FMN1: variants seen among roughly 807,000 people sequenced by gnomAD.
The protein encoded by FMN1 is formin 1.
FMN1 carries 110 observed loss-of-function variants against 132.4 expected under a neutral mutation model. The observed-to-expected ratio is 0.83, with a 90% CI of 0.71 to 0.97. FMN1 has a LOEUF of 0.97. FMN1 is among the 50% of genes least tolerant of loss of function. FMN1 has a pLI of 0.00. For synonymous variants in FMN1, 722 were observed against 651.7 expected (o/e 1.11, Z -1.64); for missense variants, 1,792 against 1,705.3 (o/e 1.05, Z -0.90).
intron 17 of FMN1, among the ~76,000 whole-genome samples, chr15:32,826,685 G>A (rs2058375439): frequency 6.6e-6 from 1 of 152,132 alleles, no homozygotes; most frequent in Non-Finnish European, 1.5e-5. Context: ...ACCCACCTAG[G>A]AGTTTGCTTT....
chr15:32,879,154 C>T (rs144599216), intron 16 of FMN1, among the ~76,000 whole-genome samples: 1 of 152,218 alleles, frequency 6.6e-6, no homozygotes, highest in African/African-American at 2.4e-5. Context: ...ACATTTTACA[C>T]CCACTGCTTT....
chr15:33,161,232 C>T (rs1566960561), intron 3 of FMN1, among the ~76,000 whole-genome samples: 2 of 152,196 alleles, frequency 1.3e-5, no homozygotes, highest in Admixed American at 6.5e-5. Flanking sequence ...ACCTTTCACA[C>T]CCTCCTAAGA....
chr15:33,015,806 T>A (rs1177163220), intron 6 of FMN1, among the ~76,000 whole-genome samples: 1 of 152,264 alleles, frequency 6.6e-6, no homozygotes, highest in African/African-American at 2.4e-5. Context: ...TGTAGGTATC[T>A]GAACTTTTTA....
intron 7 of FMN1, among the ~76,000 whole-genome samples, chr15:32,979,994 T>A (rs1246270378): frequency 1.3e-5 from 2 of 152,182 alleles, no homozygotes; most frequent in African/African-American, 4.8e-5. Flanking sequence ...TTACCAGGGA[T>A]TAGTCACTTG....
At chr15:33,095,481 G>T (rs947500338) in intron 4 of FMN1, among the ~76,000 whole-genome samples, 7 of 152,094 alleles carry the variant, frequency 4.6e-5, no homozygotes, top group African/African-American at 1.4e-4. Context: ...CTGTAGCCTT[G>T]GCCTCCTGTG....
At chr15:33,055,931 GA>G (rs1278382661) in intron 6 of FMN1, among the ~76,000 whole-genome samples, 2 of 152,112 alleles carry the variant, frequency 1.3e-5, no homozygotes, top group African/African-American at 4.8e-5. Context: ...AAAATTAAGT[GA>G]CTCAGACAGG....
intron 10 of FMN1, among the ~76,000 whole-genome samples, chr15:32,924,791 G>A (rs1307497642): frequency 6.6e-6 from 1 of 152,206 alleles, no homozygotes; most frequent in Non-Finnish European, 1.5e-5. Context: ...GCGTATGCCT[G>A]TAATCCCAGG....
At chr15:33,005,912 C>T (rs1417233628) in intron 7 of FMN1, among the ~76,000 whole-genome samples, 1 of 152,130 alleles carries the variant, frequency 6.6e-6, no homozygotes, top group Admixed American at 6.5e-5. Flanking sequence ...CTCTCCTTTT[C>T]TTCTAGGAGA....
intron 4 of FMN1, chr15:33,150,362 T>TA: frequency 1.0e-6 from 1 of 985,418 alleles, no homozygotes. Context: ...TAAAATACTA[T>TA]AAAACCAATC....
chr15:33,111,654 C>T (rs964870029), intron 4 of FMN1, among the ~76,000 whole-genome samples: 6 of 152,076 alleles, frequency 3.9e-5, no homozygotes, highest in African/African-American at 1.4e-4. Context: ...ATAAAAAAAT[C>T]TCAAAAACAT....
intron 17 of FMN1, among the ~76,000 whole-genome samples, chr15:32,826,443 T>C (rs908461469): frequency 2.0e-5 from 3 of 152,332 alleles, no homozygotes; most frequent in Admixed American, 2.0e-4. Context: ...CAAAAGGGTA[T>C]GCTCAGAAAC....
intron 7 of FMN1, among the ~76,000 whole-genome samples, chr15:33,000,253 T>C (rs996073825): frequency 7.2e-5 from 11 of 151,980 alleles, no homozygotes; most frequent in African/African-American, 2.7e-4. Context: ...ATCAAGACTA[T>C]GCCGGCTAAC....
At chr15:33,056,624 A>C (rs897276519) in intron 6 of FMN1, among the ~76,000 whole-genome samples, 1 of 152,220 alleles carries the variant, frequency 6.6e-6, no homozygotes, top group Non-Finnish European at 1.5e-5. Context: ...TTAAGGTTGA[A>C]CTTAAAATAC....
In FMN1 at chr15:33,021,835, T is replaced by C. The variant is rs111272240; in HGVS notation, c.2162-13760A>G. ...TAAAATTCCATGAATATATGGTCCC[T>C]AAAACTTACAATCTCCTTTCTACCT... On this transcript the variant is annotated intron_variant, in intron 6 of 20. Coordinates refer to ENST00000616417, the MANE Select transcript of FMN1 (RefSeq NM_001277313.2). Among the ~76,000 whole-genome samples, 1,123 of 152,344 alleles carry C rather than the reference T, an allele frequency of 7.4e-3. 17 individuals carry two copies. The highest frequency in any genetic ancestry group is 0.024 in the African/African-American group (999 of 41,576).
intron 9 of FMN1, among the ~76,000 whole-genome samples, chr15:32,938,755 A>G (rs1386453321): frequency 2.0e-5 from 3 of 152,206 alleles, no homozygotes; most frequent in Non-Finnish European, 4.4e-5. Flanking sequence ...CACTTTAGGT[A>G]TTACCAATTT....
At chr15:32,813,172 A>G (rs183305858) in intron 17 of FMN1, among the ~76,000 whole-genome samples, 5 of 152,236 alleles carry the variant, frequency 3.3e-5, no homozygotes, top group African/African-American at 1.2e-4. Context: ...ACACCATTCT[A>G]TATGAGAGAC....
chr15:32,943,533 T>TA (rs2061441812), intron 9 of FMN1, among the ~76,000 whole-genome samples: 1 of 152,228 alleles, frequency 6.6e-6, no homozygotes, highest in Non-Finnish European at 1.5e-5. Context: ...TCCAAATAGA[T>TA]AAAGGTACCT....
At chr15:32,815,738 T>C (rs368827842) in intron 17 of FMN1, among the ~76,000 whole-genome samples, 15 of 152,192 alleles carry the variant, frequency 9.9e-5, no homozygotes, top group East Asian at 5.8e-4. Context: ...TAAAGTAGTC[T>C]AATACAATGG....
chr15:33,002,836 G>A (rs540940960), intron 7 of FMN1, among the ~76,000 whole-genome samples: 13 of 152,292 alleles, frequency 8.5e-5, no homozygotes, highest in African/African-American at 3.1e-4. Context: ...AGAGAAGAGG[G>A]TTGCTGGTTT....
Sources: allele counts gnomAD v4.1 joint callset (sites outside exome capture counted in the v4.1 genomes callset), GRCh38; gene constraint gnomAD v4.1.1; transcripts MANE v1.5; gene names NCBI Gene and HGNC (gene_info 2026-07-23, HGNC 2026-07-21).